The following VAPA variants were observed in gnomAD, a reference collection of about 807,000 sequenced individuals.
VAPA encodes vesicle-associated membrane protein-associated protein A.
In VAPA, 6 loss-of-function variants were observed where a neutral mutation model predicts 25.6. That is an observed-to-expected ratio of 0.23 (90% confidence interval 0.13 to 0.46). The LOEUF (loss-of-function observed/expected upper bound fraction) is 0.46, where lower values mean the gene tolerates loss of function less well. VAPA is among the 20% of genes least tolerant of loss of function. VAPA has a pLI of 0.99. For missense variants in VAPA, 244 were observed against 302.1 expected (o/e 0.81, Z 1.43); for synonymous variants, 112 against 106.2 (o/e 1.05, Z -0.34).
At chr18:9,949,499 TATAAA>T (rs2069464402) in intron 4 of VAPA, 1 of 152,236 alleles carries the variant, frequency 6.6e-6, no homozygotes, top group African/African-American at 2.4e-5. Flanking sequence ...TGATAAATCT[TATAAA>T]ATGAGTATTG....
At chr18:9,914,400 G>C in intron 1 of VAPA, 65 bp downstream of exon 1, 8 of 1,431,654 alleles carry the variant, frequency 5.6e-6, no homozygotes, top group Non-Finnish European at 7.5e-6. Context: ...TCGGCGGGGG[G>C]GCGCGGAGGG....
At chr18:9,950,774 C>T in intron 5 of VAPA, 1 of 527,992 alleles carries the variant, frequency 1.9e-6, no homozygotes, top group Non-Finnish European at 3.3e-6. Flanking sequence ...CTTTAGCACA[C>T]ATTCTAATTA....
chr18:9,916,414 C>T (rs755010933), intron 1 of VAPA, among the ~76,000 whole-genome samples: 3 of 152,158 alleles, frequency 2.0e-5, no homozygotes, highest in Non-Finnish European at 4.4e-5. Flanking sequence ...CCCATCCCTC[C>T]CTTAGGAAGC....
chr18:9,919,029 AG>A (rs2069135598), intron 1 of VAPA, among the ~76,000 whole-genome samples: 1 of 152,124 alleles, frequency 6.6e-6, no homozygotes, highest in South Asian at 2.1e-4. Flanking sequence ...CTAGGACTAT[AG>A]GTGCATGCTA....
chr18:9,917,427 A>G (rs2069121120), intron 1 of VAPA, among the ~76,000 whole-genome samples: 1 of 152,152 alleles, frequency 6.6e-6, no homozygotes, highest in Admixed American at 6.5e-5. Flanking sequence ...AGTAGCTGGA[A>G]CTACAGGCAT....
At chr18:9,950,260 A>G in intron 4 of VAPA, 135 bp from the exon 5 acceptor site, 1 of 854,418 alleles carries the variant, frequency 1.2e-6, no homozygotes, top group Non-Finnish European at 1.8e-6. Flanking sequence ...GACTAATCTG[A>G]CTGCTGACAT....
rs1235835093 is a variant in VAPA, at chr18:9,928,533, A to G, written c.80-3277A>G. 1.3e-5 allele frequency among the ~76,000 whole-genome samples: 2 copies of G among 152,076 alleles called. 1 individual carries two copies. The highest frequency in any genetic ancestry group is 1.3e-4 in the Admixed American group (2 of 15,256). On this transcript the variant is annotated intron_variant, in intron 1 of 5. Transcript: ENST00000400000. ...ATCACCTAAGGCTTACAAAGGATACATTTTCAATTAGTGAAGCAGATTATT... is the reference window on the plus strand; with the variant it reads ...ATCACCTAAGGCTTACAAAGGATACGTTTTCAATTAGTGAAGCAGATTATT...
rs2069525103 is a variant in VAPA, at chr18:9,954,569, C to T, written c.*358C>T. On this transcript the variant is annotated 3_prime_UTR_variant, in exon 6 of 6. Transcript: ENST00000400000. ...TTTTAATAATCCCTTTAAATTTTAT[C>T]TGTTGCTGTTACCTCTTGAAATATG... The T allele has an allele frequency of 5.9e-6, 1 of 170,672 alleles. No homozygotes were observed. Among genetic ancestry groups the T allele is most frequent in the African/African-American group, 2.4e-5 (1 of 41,978 alleles). The allele number at this position is 170,672 out of a possible 1,614,324, so 10.6% of individuals were successfully genotyped here.
intron 1 of VAPA, among the ~76,000 whole-genome samples, chr18:9,927,928 A>G: frequency 6.6e-6 from 1 of 152,148 alleles, no homozygotes; most frequent in Non-Finnish European, 1.5e-5. Flanking sequence ...ACAGCCACAT[A>G]ATTGAAAGGT....
intron 5 of VAPA, among the ~76,000 whole-genome samples, chr18:9,952,410 T>C (rs756901344): frequency 6.6e-6 from 1 of 151,752 alleles, no homozygotes; most frequent in Admixed American, 6.6e-5. Flanking sequence ...CTATTAAAAA[T>C]ACAAAAATTA....
intron 1 of VAPA, among the ~76,000 whole-genome samples, chr18:9,927,993 G>T (rs913412626): frequency 2.0e-5 from 3 of 152,038 alleles, no homozygotes; most frequent in African/African-American, 7.2e-5. Flanking sequence ...TAAATGTAAC[G>T]TATGCAGTTT....
rs2069475758 is a variant in VAPA, at chr18:9,950,343, C to A, written c.418-52C>A. 3.2e-6 allele frequency: 5 copies of A among 1,570,050 alleles called. No individual in the cohort carries two copies. In the South Asian group the frequency reaches 3.5e-5, roughly 11 times the overall value. ...AATTTATATTGTTATTTGTTTAAAA[C>A]CTGTAAGGAGATTTGGTTAGTTAAA... is the stretch of plus-strand genomic sequence containing the variant. On this transcript the variant is annotated intron_variant, in intron 4 of 5. Coordinates refer to ENST00000400000, the MANE Select transcript of VAPA (RefSeq NM_194434.3).
intron 1 of VAPA, 58 bp downstream of exon 1, chr18:9,914,393 G>T: frequency 6.8e-7 from 1 of 1,464,982 alleles, no homozygotes; most frequent in Non-Finnish European, 9.1e-7. Flanking sequence ...CTGGCTGTCG[G>T]CGGGGGGGCG....
At chr18:9,921,882 T>A (rs1162221789) in intron 1 of VAPA, among the ~76,000 whole-genome samples, 2 of 152,200 alleles carry the variant, frequency 1.3e-5, no homozygotes, top group Non-Finnish European at 2.9e-5. Flanking sequence ...AATATGAACC[T>A]CAGTATGCGT....
chr18:9,934,638 T>C (rs1302563294), intron 2 of VAPA, among the ~76,000 whole-genome samples: 1 of 152,200 alleles, frequency 6.6e-6, no homozygotes, highest in Non-Finnish European at 1.5e-5. Flanking sequence ...TGTAGAGATA[T>C]ATCTTAGAAA....
chr18:9,925,266 A>C (rs145939292), intron 1 of VAPA, among the ~76,000 whole-genome samples: 36 of 151,754 alleles, frequency 2.4e-4, no homozygotes, highest in African/African-American at 8.5e-4. Context: ...ATGATTGTAT[A>C]ATATGTTTGT....
Position 9,958,615 on chromosome 18 carries a change from A to T in VAPA, c.*4404A>T, listed in dbSNP as rs926629149. ...TGGTAGTTTTTTTCAAGCTCCAATC[A>T]TCGGCCAGACAGTTGCTTTATGTAG... On this transcript the variant is annotated 3_prime_UTR_variant, in exon 6 of 6. Coordinates refer to ENST00000400000, the MANE Select transcript of VAPA (RefSeq NM_194434.3). 3 of 152,108 alleles carry T rather than the reference A, an allele frequency of 2.0e-5. No homozygotes were observed. The highest frequency in any genetic ancestry group is 7.2e-5 in the African/African-American group (3 of 41,414). 9.4% of individuals were successfully genotyped at this position (152,108 alleles called of 1,614,324 possible).
At chr18:9,950,331 A>G in intron 4 of VAPA, 64 bp from the exon 5 acceptor site, 1 of 1,532,654 alleles carries the variant, frequency 6.5e-7, no homozygotes, top group South Asian at 1.2e-5. Flanking sequence ...TTATATTGTT[A>G]TTTGTTTAAA....
chr18:9,945,967 C>T (rs28522726), intron 4 of VAPA, among the ~76,000 whole-genome samples: 3,372 of 152,194 alleles, frequency 0.022, 136 homozygotes, highest in African/African-American at 0.078. Flanking sequence ...CCTTTATGTG[C>T]GTTTTTATCC....
Sources: gnomAD v4.1 joint callset for allele counts (sites outside exome capture counted in the v4.1 genomes callset) on GRCh38, gnomAD v4.1.1 for gene constraint, MANE v1.5 for transcripts, NCBI Gene and HGNC (gene_info 2026-07-23, HGNC 2026-07-21) for gene names.